The following ATP8A2 variants were observed in gnomAD, a reference collection of about 807,000 sequenced individuals.
ATP8A2 encodes the protein ATPase phospholipid transporting 8A2.
In ATP8A2, 100 loss-of-function variants were observed where a neutral mutation model predicts 165.6. The observed-to-expected ratio is 0.60, with a 90% CI of 0.51 to 0.71. The LOEUF is 0.71. Ranked by LOEUF, ATP8A2 falls within the 30% of genes least tolerant of loss-of-function variation. ATP8A2 has a pLI of 0.00. For synonymous variants in ATP8A2, 543 were observed against 548.8 expected, an observed-to-expected ratio of 0.99 and a Z score of 0.15; for missense variants, 1,227 against 1,479.5, an observed-to-expected ratio of 0.83 and a Z score of 2.80.
chr13:25,726,914 A>G (rs927748645), intron 25 of ATP8A2, among the ~76,000 whole-genome samples: 1 of 152,150 alleles, frequency 6.6e-6, no homozygotes, highest in Non-Finnish European at 1.5e-5. Context: ...GGAAGGCTCC[A>G]TGGGGAAAAG....
At chr13:25,565,812 C>T (rs1189600706) in intron 16 of ATP8A2, among the ~76,000 whole-genome samples, 1 of 151,788 alleles carries the variant, frequency 6.6e-6, no homozygotes, top group Admixed American at 6.6e-5. Flanking sequence ...GTCATGAAAT[C>T]CTTGCCTAAG....
intron 28 of ATP8A2, among the ~76,000 whole-genome samples, chr13:25,829,719 T>TATATATATA (rs1555273748): frequency 3.6e-5 from 4 of 109,852 alleles, no homozygotes; most frequent in Non-Finnish European, 7.6e-5. Context: ...TATATATATA[T>TATATATATA]ATCACCTGCT....
At chr13:25,776,896 A>C (rs1206224366) in intron 27 of ATP8A2, among the ~76,000 whole-genome samples, 1 of 151,924 alleles carries the variant, frequency 6.6e-6, no homozygotes, top group Admixed American at 6.6e-5. Context: ...TTCTGCGTGG[A>C]GCTCCCAATC....
In ATP8A2 at chr13:25,958,773, A is replaced by G. The variant is rs145985607; in HGVS notation, c.3184-2802A>G. On this transcript the variant is annotated intron_variant, in intron 33 of 36. Transcript: ENST00000381655. ...CAGCTCCTAGTTTTGAAGACCAGCA[A>G]CAGAACAATACTTTCAAGTCTTCAT... 4.4e-3 allele frequency among the ~76,000 whole-genome samples: 675 copies of G among 152,334 alleles called. 4 individuals carry two copies. The highest frequency in any genetic ancestry group is 0.015 in the African/African-American group (610 of 41,566).
chr13:25,442,114 C>A (rs2034947354), intron 1 of ATP8A2, among the ~76,000 whole-genome samples: 1 of 152,204 alleles, frequency 6.6e-6, no homozygotes, highest in Admixed American at 6.5e-5. Context: ...GTATAGACCA[C>A]ATTTTGCTTA....
At chr13:25,468,757 G>GGGGCGT (rs1181821721) in intron 1 of ATP8A2, 13 of 883,398 alleles carry the variant, frequency 1.5e-5, no homozygotes, top group African/African-American at 1.8e-5. Context: ...GGGGCCGCGC[G>GGGGCGT]GGGCGTGGGC....
chr13:25,574,204 C>T (rs775592642), intron 18 of ATP8A2, among the ~76,000 whole-genome samples: 2 of 152,168 alleles, frequency 1.3e-5, no homozygotes, highest in East Asian at 1.9e-4. Flanking sequence ...AGAAAAAGAG[C>T]GTTTGATTGA....
Position 25,425,493 on chromosome 13 carries a change from C to T in ATP8A2, c.77-43484C>T, listed in dbSNP as rs553976913. ...TTTTTTTTTTTTTGAGATGGAGTCT[C>T]GCTCTAGTACTGGATCTCTAGTACT... is the stretch of plus-strand genomic sequence containing the variant. On this transcript the variant is annotated intron_variant, in intron 1 of 36. Coordinates refer to ENST00000381655, the MANE Select transcript of ATP8A2 (RefSeq NM_016529.6). Among the ~76,000 whole-genome samples the T allele has an allele frequency of 2.5e-4, 22 of 87,478 alleles. No individual in the cohort carries two copies. The South Asian group carries it at 3.2e-3, about 13-fold the overall frequency. 57.4% of individuals were successfully genotyped at this position (87,478 alleles called of 152,430 possible). A position where few individuals can be genotyped will look rare whatever the true frequency, so the allele number is the denominator to read the frequency against.
At chr13:25,670,106 A>G (rs2042234402) in intron 24 of ATP8A2, among the ~76,000 whole-genome samples, 2 of 152,086 alleles carry the variant, frequency 1.3e-5, no homozygotes, top group Non-Finnish European at 2.9e-5. Context: ...CATATTCCTT[A>G]CTATCATAGG....
rs186899678 is a variant in ATP8A2 at position 25,442,616 on chromosome 13, T to C, written c.77-26361T>C. On this transcript the variant is annotated intron_variant, in intron 1 of 36. Coordinates refer to ENST00000381655, the MANE Select transcript of ATP8A2 (RefSeq NM_016529.6). ...TTTTTTGTAGAGATAGGAGGAGTCT[T>C]GCTATGTCGTCCAGGCTGTTCTTGA... Among the ~76,000 whole-genome samples the C allele has an allele frequency of 2.6e-5, 4 of 152,248 alleles. No individual in the cohort carries two copies. The East Asian group carries it at 7.7e-4, about 29-fold the overall frequency.
At chr13:25,849,364 G>A (rs1445320924) in intron 30 of ATP8A2, among the ~76,000 whole-genome samples, 1 of 152,144 alleles carries the variant, frequency 6.6e-6, no homozygotes, top group African/African-American at 2.4e-5. Context: ...TTGAAATTTT[G>A]CCTTTGTCAG....
chr13:25,494,342 T>C lies in ATP8A2; in HGVS notation c.221+25221T>C, dbSNP rs186999259. ...TGTATAGTAGATGTAATCTCCAAGG[T>C]GGGCGGTGGGGGTAGTTGGAGGGAT... On this transcript the variant is annotated intron_variant, in intron 2 of 36. Transcript: ENST00000381655. 5.0e-3 allele frequency among the ~76,000 whole-genome samples: 756 copies of C among 152,214 alleles called. 5 individuals carry two copies. The highest frequency in any genetic ancestry group is 0.018 in the African/African-American group (733 of 41,522).
chr13:25,481,039 A>G (rs1441720397), intron 2 of ATP8A2, among the ~76,000 whole-genome samples: 3 of 152,084 alleles, frequency 2.0e-5, no homozygotes, highest in Non-Finnish European at 2.9e-5. Context: ...GCCTGCAATC[A>G]CAGGCACTAG....
In ATP8A2 at chr13:25,890,895, A is replaced by G. The variant is rs181812083; in HGVS notation, c.3183+28487A>G. On this transcript the variant is annotated intron_variant, in intron 33 of 36. Coordinates refer to ENST00000381655, the MANE Select transcript of ATP8A2 (RefSeq NM_016529.6). ...GTTTTAAAGCATTACTCTCAGGTTA[A>G]GTCATGTTTGCCAAGTTACAACCCA... is the stretch of plus-strand genomic sequence containing the variant. 2.0e-4 allele frequency among the ~76,000 whole-genome samples: 30 copies of G among 152,330 alleles called. No individual in the cohort carries two copies. The East Asian group carries it at 5.6e-3, about 28-fold the overall frequency.
At chr13:25,616,079 A>G (rs781132942) in intron 24 of ATP8A2, among the ~76,000 whole-genome samples, 3 of 152,050 alleles carry the variant, frequency 2.0e-5, no homozygotes, top group Non-Finnish European at 2.9e-5. Context: ...ATTTTCTCCT[A>G]TACCCCAGTT....
At position 25,498,382 on chromosome 13, in the gene ATP8A2, C is replaced by T. The variant is rs193163143; in HGVS notation, c.221+29261C>T. ...GTAAGCTCTGCCTTATAAAGGGACT[C>T]GAGTCCTTCCATGATCACCCATTCT... is the stretch of plus-strand genomic sequence containing the variant. On this transcript the variant is annotated intron_variant, in intron 2 of 36. Coordinates refer to ENST00000381655, the MANE Select transcript of ATP8A2 (RefSeq NM_016529.6). Among the ~76,000 whole-genome samples, 498 of 152,266 alleles carry T rather than the reference C, an allele frequency of 3.3e-3. 5 individuals carry two copies. Among genetic ancestry groups the T allele is most frequent in the African/African-American group, 0.011 (463 of 41,552 alleles).
intron 33 of ATP8A2, among the ~76,000 whole-genome samples, chr13:25,921,907 C>A (rs1364269905): frequency 6.6e-6 from 1 of 152,160 alleles, no homozygotes; most frequent in African/African-American, 2.4e-5. Context: ...GGTAGTGAAT[C>A]TTTTTCCTTC....
intron 35 of ATP8A2, among the ~76,000 whole-genome samples, chr13:26,005,852 A>C (rs1448125219): frequency 6.6e-6 from 1 of 151,982 alleles, no homozygotes. Context: ...TGGACTCTCA[A>C]TTATATTCTC....
rs575422656 is a variant in ATP8A2 at position 26,020,799 on chromosome 13, T to G, written c.*814T>G. On this transcript the variant is annotated 3_prime_UTR_variant, in exon 37 of 37. Transcript: ENST00000381655. ...CTCAGATACAGATGCGAAAAATTCCTTCTTCCACCGCCCTTCTCGTTCTGT... is the reference window on the plus strand; with the variant it reads ...CTCAGATACAGATGCGAAAAATTCCGTCTTCCACCGCCCTTCTCGTTCTGT... The G allele has an allele frequency of 6.6e-6, 1 of 152,450 alleles. No individual in the cohort carries two copies. Among genetic ancestry groups the G allele is most frequent in the African/African-American group, 2.4e-5 (1 of 41,592 alleles). The allele number at this position is 152,450 out of a possible 1,614,324, so 9.4% of individuals were successfully genotyped here.
Sources: allele counts gnomAD v4.1 joint callset (sites outside exome capture counted in the v4.1 genomes callset), GRCh38; gene constraint gnomAD v4.1.1; transcripts MANE v1.5; gene names NCBI Gene and HGNC (gene_info 2026-07-23, HGNC 2026-07-21).